Variants in NAV2 observed in about 807,000 individuals in gnomAD.
NAV2 encodes the protein neuron navigator 2, also known as helicase, APC down-regulated 1.
Under a neutral mutation model 223.2 loss-of-function variants are expected in NAV2, and 54 were observed. That is an observed-to-expected ratio of 0.24 (90% CI 0.19 to 0.30). The LOEUF (loss-of-function observed/expected upper bound fraction) is 0.30, where lower values mean the gene tolerates loss of function less well. NAV2 is among the 10% of genes least tolerant of loss of function. The probability of loss-of-function intolerance (pLI) is 1.00; values close to 1 mark genes in which losing one functional copy is unlikely to be tolerated. For synonymous variants in NAV2, 1,279 were observed against 1,239.3 expected, an observed-to-expected ratio of 1.03 and a Z score of -0.67; for missense variants, 2,806 against 3,147.5, an observed-to-expected ratio of 0.89 and a Z score of 2.60.
chr11:19,742,572 T>C (rs1184039752), intron 1 of NAV2, among the ~76,000 whole-genome samples: 1 of 152,146 alleles, frequency 6.6e-6, no homozygotes, highest in Non-Finnish European at 1.5e-5. Flanking sequence ...TGGCAGTTCA[T>C]GCCTCCTTGT....
chr11:19,877,540 T>C (rs2062930074), intron 4 of NAV2, among the ~76,000 whole-genome samples: 1 of 141,620 alleles, frequency 7.1e-6, no homozygotes, highest in African/African-American at 2.8e-5. Context: ...TGGCGTGATC[T>C]TGGCTCACTG....
chr11:20,076,313 C>T (rs1350505604), intron 22 of NAV2, among the ~76,000 whole-genome samples: 2 of 152,200 alleles, frequency 1.3e-5, no homozygotes, highest in African/African-American at 4.8e-5. Context: ...TTTAATTGCT[C>T]ATCCAACATA....
At chr11:19,612,274 G>C (rs1344215397) in intron 1 of NAV2, among the ~76,000 whole-genome samples, 3 of 152,196 alleles carry the variant, frequency 2.0e-5, no homozygotes, top group African/African-American at 2.4e-5. Context: ...AGGGCCTGCA[G>C]TGAAAGTCTC....
At chr11:19,754,095 G>A (rs1019873787) in intron 1 of NAV2, among the ~76,000 whole-genome samples, 2 of 152,164 alleles carry the variant, frequency 1.3e-5, no homozygotes, top group African/African-American at 4.8e-5. Flanking sequence ...TAGAGATATC[G>A]CCTTTCCCCT....
intron 1 of NAV2, among the ~76,000 whole-genome samples, chr11:19,824,168 A>C (rs2059535478): frequency 6.6e-6 from 1 of 152,212 alleles, no homozygotes; most frequent in South Asian, 2.1e-4. Flanking sequence ...GATCTCATTT[A>C]ATCTGTAAAG....
intron 1 of NAV2, among the ~76,000 whole-genome samples, chr11:19,389,261 T>A (rs981081673): frequency 6.6e-6 from 1 of 152,258 alleles, no homozygotes; most frequent in Non-Finnish European, 1.5e-5. Context: ...AAATAGCTAC[T>A]ATGCACAAGA....
At chr11:19,618,486 CTGGATAGATGGA>C (rs1352060470) in intron 1 of NAV2, among the ~76,000 whole-genome samples, 1 of 114,004 alleles carries the variant, frequency 8.8e-6, no homozygotes, top group Non-Finnish European at 1.8e-5. Flanking sequence ...ATATGGCTGT[CTGGATAGATGGA>C]TGGATGGATG....
intron 1 of NAV2, among the ~76,000 whole-genome samples, chr11:19,405,606 C>A (rs926640697): frequency 6.6e-6 from 1 of 152,242 alleles, no homozygotes; most frequent in Admixed American, 6.5e-5. Context: ...GAAAACACCA[C>A]TCTGTTGAAA....
chr11:19,802,711 C>CA (rs35777344), intron 1 of NAV2, among the ~76,000 whole-genome samples: 2,088 of 117,008 alleles, frequency 0.018, 55 homozygotes, highest in African/African-American at 0.043. Context: ...CCCTGTCTCT[C>CA]AAAAAAAAAA....
intron 1 of NAV2, among the ~76,000 whole-genome samples, chr11:19,722,385 T>C (rs1163878441): frequency 6.6e-6 from 1 of 152,196 alleles, no homozygotes; most frequent in African/African-American, 2.4e-5. Context: ...GTAAGGAGTA[T>C]GATTGGAAGC....
Position 19,839,421 on chromosome 11 carries a change from AAGAG to A in NAV2, c.386-3440_386-3437del, listed in dbSNP as rs992443954. Reference sequence around the variant, plus strand: ...AGGAGGACTGGAGAAAAAGGGAGCAAAGAGAGAGAGAGAATTTCTTCTTAGAAGT... The same window carrying A: ...AGGAGGACTGGAGAAAAAGGGAGCAAAGAGAGAGAATTTCTTCTTAGAAGT... On this transcript the variant is annotated intron_variant, in intron 2 of 37. Transcript: ENST00000349880. 2.0e-5 allele frequency among the ~76,000 whole-genome samples: 3 copies of A among 152,068 alleles called. 1 individual carries two copies. Among genetic ancestry groups the A allele is most frequent in the Admixed American group, 1.3e-4 (2 of 15,276 alleles).
chr11:19,762,354 T>A (rs1327520072), intron 1 of NAV2, among the ~76,000 whole-genome samples: 1 of 152,076 alleles, frequency 6.6e-6, no homozygotes, highest in Non-Finnish European at 1.5e-5. Context: ...AAGATCCAAA[T>A]CCCTACAATG....
At chr11:19,462,196 A>G (rs573212312) in intron 1 of NAV2, among the ~76,000 whole-genome samples, 1 of 152,366 alleles carries the variant, frequency 6.6e-6, no homozygotes, top group South Asian at 2.1e-4. Flanking sequence ...ATCATGTATC[A>G]TAATCACCTG....
intron 1 of NAV2, among the ~76,000 whole-genome samples, chr11:19,733,194 G>A (rs2051973630): frequency 6.6e-6 from 1 of 152,234 alleles, no homozygotes; most frequent in African/African-American, 2.4e-5. Flanking sequence ...GGTCAGGGAA[G>A]GGAGCTAGAC....
chr11:19,615,106 C>T (rs1264624595), intron 1 of NAV2, among the ~76,000 whole-genome samples: 2 of 152,068 alleles, frequency 1.3e-5, no homozygotes, highest in African/African-American at 4.8e-5. Context: ...AGAGTCTGGG[C>T]TCACTAGTGC....
At chr11:19,749,184 T>C (rs528818840) in intron 1 of NAV2, among the ~76,000 whole-genome samples, 150 of 152,352 alleles carry the variant, frequency 9.8e-4, no homozygotes, top group Non-Finnish European at 1.8e-3. Flanking sequence ...AGGTTACTGT[T>C]GATAACTGTT....
intron 5 of NAV2, among the ~76,000 whole-genome samples, chr11:19,883,834 G>A (rs2063364592): frequency 6.6e-6 from 1 of 152,192 alleles, no homozygotes; most frequent in Admixed American, 6.5e-5. Context: ...CCCAAGGCCA[G>A]CAACATCTGG....
chr11:19,932,393 T>C (rs2153274690), intron 6 of NAV2, among the ~76,000 whole-genome samples: 2 of 152,250 alleles, frequency 1.3e-5, no homozygotes, highest in Admixed American at 1.3e-4. Flanking sequence ...TGGAGTACAA[T>C]GGCATGATCT....
intron 6 of NAV2, among the ~76,000 whole-genome samples, chr11:19,929,360 C>A (rs139167649): frequency 6.6e-6 from 1 of 152,262 alleles, no homozygotes; most frequent in East Asian, 1.9e-4. Flanking sequence ...AGAAATGTAT[C>A]AAGTTACTTT....
Sources: allele counts gnomAD v4.1 joint callset (sites outside exome capture counted in the v4.1 genomes callset), GRCh38; gene constraint gnomAD v4.1.1; transcripts MANE v1.5; gene names NCBI Gene and HGNC (gene_info 2026-07-23, HGNC 2026-07-21).